The following LILRA1 variants were observed in gnomAD, a reference collection of about 807,000 sequenced individuals.
LILRA1 encodes leukocyte immunoglobulin-like receptor subfamily A member 1.
LILRA1 carries 51 observed loss-of-function variants against 51.6 expected under a neutral mutation model. The ratio of observed to expected loss-of-function variants is 0.99; its 90% confidence interval spans 0.79 to 1.25. LILRA1 has a LOEUF of 1.25. Ranked by LOEUF, LILRA1 falls within the 50% of genes most tolerant of loss-of-function variation. LILRA1 has a pLI of 0.00. For missense variants in LILRA1, 660 were observed against 611.7 expected (o/e 1.08, Z -0.83); for synonymous variants, 305 against 248.4 (o/e 1.23, Z -2.14).
At chr19:54,598,310 T>TA (rs1455100005) in intron 7 of LILRA1, among the ~76,000 whole-genome samples, 9 of 152,208 alleles carry the variant, frequency 5.9e-5, no homozygotes, top group African/African-American at 1.9e-4. Flanking sequence ...TTGATTTAAT[T>TA]TATATATTCA....
chr19:54,595,585 T>C (rs2063024044), intron 5 of LILRA1, 54 bp from the exon 6 acceptor site: 1 of 1,565,398 alleles, frequency 6.4e-7, no homozygotes, highest in Non-Finnish European at 8.7e-7. Context: ...AGAGGGAGGA[T>C]ATGTGGGGAA....
intron 7 of LILRA1, among the ~76,000 whole-genome samples, chr19:54,598,518 T>C (rs2063105909): frequency 6.6e-6 from 1 of 152,170 alleles, no homozygotes; most frequent in South Asian, 2.1e-4. Context: ...GCCCTGGGCC[T>C]GGGGGGTTCA....
intron 7 of LILRA1, among the ~76,000 whole-genome samples, chr19:54,598,053 G>A (rs74450693): frequency 0.043 from 6,543 of 150,628 alleles, 466 homozygotes; most frequent in African/African-American, 0.15. Context: ...TGTGCTCAGG[G>A]CACCCGGAGA....
chr19:54,598,125 A>G (rs1600273062), intron 7 of LILRA1, among the ~76,000 whole-genome samples: 1 of 151,948 alleles, frequency 6.6e-6, no homozygotes. Flanking sequence ...AGCACGTCTC[A>G]TATGTCATTC....
At position 54,596,323 on chromosome 19, in the gene LILRA1, GC is replaced by G. The variant is rs766823529; in HGVS notation, c.1099del (p.Leu367SerfsTer18). The G allele has an allele frequency of 6.8e-6, 11 of 1,609,546 alleles. No individual in the cohort carries two copies. The highest frequency in any genetic ancestry group is 4.1e-5 in the African/African-American group (3 of 73,758). Reference sequence around the variant, plus strand: ...TCTGACCAAGGCGGGAGCAGCTGATGCCCCCCTCCGTCTCAGATCAATACAC... The same window carrying G: ...TCTGACCAAGGCGGGAGCAGCTGATGCCCCCTCCGTCTCAGATCAATACAC... ...FLLTKAGAAD[A>X]PLRLRSIHEY... On this transcript the variant is annotated frameshift_variant, in exon 7 of 10. Transcript: ENST00000251372. LOFTEE classifies it high-confidence loss of function.
chr19:54,595,067 C>T (rs1279171864), intron 4 of LILRA1, 33 bp from the exon 5 acceptor site: 1 of 1,604,320 alleles, frequency 6.2e-7, no homozygotes, highest in Non-Finnish European at 8.5e-7. Context: ...GAGGTGTGAG[C>T]CCCATTTAAC....
chr19:54,597,173 T>C (rs2063077024), intron 7 of LILRA1, among the ~76,000 whole-genome samples: 1 of 131,180 alleles, frequency 7.6e-6, no homozygotes, highest in African/African-American at 2.8e-5. Context: ...ACCCAGTCAC[T>C]CCCAGCTCTA....
At position 54,594,763 on chromosome 19, in the gene LILRA1, G is replaced by A; in HGVS notation, c.169G>A (p.Glu57Lys). 2.5e-6 allele frequency: 4 copies of A among 1,614,142 alleles called. No homozygotes were observed. Among genetic ancestry groups the A allele is most frequent in the Non-Finnish European group, 3.4e-6 (4 of 1,179,986 alleles). ...GTGTCAGGGGATCCTGGAGACCCAGGAGTACCGTCTGTATAGAGAAAAGAA... is the reference window on the plus strand; with the variant it reads ...GTGTCAGGGGATCCTGGAGACCCAGAAGTACCGTCTGTATAGAGAAAAGAA... ...LWCQGILETQ[E>K]YRLYREKKTA... is the part of the protein sequence containing the mutation. The change falls in exon 4 of 10, where the codon GAG (glutamate) becomes AAG (lysine). Residue 57 changes from glutamate (E) to lysine (K), a missense_variant. Physicochemically the swap from Glu to Lys is moderately conservative, Grantham distance 56. Coordinates refer to ENST00000251372, the MANE Select transcript of LILRA1 (RefSeq NM_006863.4).
chr19:54,595,209 G>T lies in LILRA1; in HGVS notation c.468G>T (p.Leu156=). ...AGGTGGCATTTGGCAGCTTCATTCT[G>T]TGTAAGGAAGGAGAAGATGAACACC... ...VSQVAFGSFI[L]CKEGEDEHPQ... Residue 156 remains leucine, a synonymous_variant, in exon 5 of 10, where the codon CTG becomes CTT. Transcript: ENST00000251372. The T allele has an allele frequency of 6.2e-7, 1 of 1,614,126 alleles. No individual in the cohort carries two copies. Among genetic ancestry groups the T allele is most frequent in the Non-Finnish European group, 8.5e-7 (1 of 1,180,004 alleles).
chr19:54,595,603 G>T (rs1337343302), intron 5 of LILRA1, 36 bp from the exon 6 acceptor site: 11 of 1,580,636 alleles, frequency 7.0e-6, no homozygotes, highest in Non-Finnish European at 9.5e-6. Flanking sequence ...GAAGCCTGAG[G>T]GTCGGCTCCT....
chr19:54,594,946 G>T lies in LILRA1; in HGVS notation c.352G>T (p.Val118Leu). ...GCCCAGTGACCCCCTGGAGCTGGTG[G>T]TGACAGGTGAGCTGACACTGAGGGC... ...SEPSDPLELV[V>L]TGAYIKPTLS... is the part of the protein sequence containing the mutation. Residue 118 changes from valine (V) to leucine (L), a missense_variant, in exon 4 of 10, where the codon GTG (valine) becomes TTG (leucine). Coordinates refer to ENST00000251372, the MANE Select transcript of LILRA1 (RefSeq NM_006863.4). 6.2e-7 allele frequency: 1 copy of T among 1,613,928 alleles called. No individual in the cohort carries two copies. Among genetic ancestry groups the T allele is most frequent in the South Asian group, 1.1e-5 (1 of 91,078 alleles).
chr19:54,600,512 G>A lies in LILRA1; in HGVS notation c.1313G>A (p.Gly438Glu). The change falls in exon 9 of 10, where the codon GGA becomes GAA. Residue 438 changes from glycine to glutamate, a missense_variant and splice_region_variant. Transcript: ENST00000251372. ...TCTTCCCCTCTGTTTTTATTCTCAG[G>A]AGCAGCTAACACCCTCAGCCCATCA... ...PPQNKSDSKAGAANTLSPSQN... is the reference protein window; with the variant it reads ...PPQNKSDSKAEAANTLSPSQN... The A allele has an allele frequency of 6.2e-7, 1 of 1,614,110 alleles. No homozygotes were observed. Among genetic ancestry groups the A allele is most frequent in the Non-Finnish European group, 8.5e-7 (1 of 1,180,026 alleles).
chr19:54,599,672 T>C, intron 8 of LILRA1: 2 of 767,806 alleles, frequency 2.6e-6, no homozygotes, highest in Non-Finnish European at 3.3e-6. Context: ...TAAATGTCAA[T>C]ATATATGTTA....
At position 54,600,796 on chromosome 19, in the gene LILRA1, G is replaced by A. The variant is rs1317970831; in HGVS notation, c.1449G>A (p.Gln483=). 1 of 1,614,110 alleles carries A rather than the reference G, an allele frequency of 6.2e-7. No individual in the cohort carries two copies. Among genetic ancestry groups the A allele is most frequent in the Admixed American group, 1.7e-5 (1 of 60,020 alleles). Residue 483 remains glutamine, a synonymous_variant, in exon 10 of 10, where the codon CAG becomes CAA. Transcript: ENST00000251372. ...TCGGGATTCTGCTATTTGAGGCTCA[G>A]CACAGCCAGAGAAGCCTCTGAGATG... is the stretch of plus-strand genomic sequence containing the variant. ...VVLGILLFEA[Q]HSQRSL
Position 54,600,992 on chromosome 19 carries a change from T to C in LILRA1, c.*175T>C, listed in dbSNP as rs2063153167. 5 of 704,348 alleles carry C rather than the reference T, an allele frequency of 7.1e-6. No individual in the cohort carries two copies. Among genetic ancestry groups the C allele is most frequent in the South Asian group, 6.9e-5 (4 of 57,808 alleles). The allele number at this position is 704,348 out of a possible 1,614,324, so 43.6% of individuals were successfully genotyped here. On this transcript the variant is annotated 3_prime_UTR_variant, in exon 10 of 10. Coordinates refer to ENST00000251372, the MANE Select transcript of LILRA1 (RefSeq NM_006863.4). ...GAATCAGTGTTGGATTGCAGAGACA[T>C]TTTCTGGAGTGATCCATGAAGGACC... is the stretch of plus-strand genomic sequence containing the variant.
chr19:54,595,573 G>C, intron 5 of LILRA1, 66 bp from the exon 6 acceptor site: 1 of 1,561,460 alleles, frequency 6.4e-7, no homozygotes, highest in East Asian at 2.2e-5. Flanking sequence ...AGGCCCCGGG[G>C]GAGAGGGAGG....
intron 7 of LILRA1, among the ~76,000 whole-genome samples, chr19:54,596,984 C>T (rs1440118700): frequency 4.0e-5 from 6 of 151,248 alleles, no homozygotes; most frequent in African/African-American, 7.3e-5. Flanking sequence ...CCCTTGTAGT[C>T]TCAGTAGGGT....
intron 1 of LILRA1, 22 bp from the exon 2 acceptor site, chr19:54,594,175 C>T (rs536189369): frequency 1.9e-6 from 3 of 1,607,950 alleles, no homozygotes; most frequent in South Asian, 2.2e-5. Context: ...CTATTTCTCT[C>T]TGTGTGTCTC....
chr19:54,596,005 T>G (rs2063042978), intron 6 of LILRA1, 70 bp downstream of exon 6: 1 of 1,563,694 alleles, frequency 6.4e-7, no homozygotes, highest in African/African-American at 1.5e-5. Context: ...GCCCAGGTGG[T>G]GATGGCCGGA....
Sources: allele counts gnomAD v4.1 joint callset (sites outside exome capture counted in the v4.1 genomes callset), GRCh38; gene constraint gnomAD v4.1.1; transcripts MANE v1.5; gene names NCBI Gene and HGNC (gene_info 2026-07-23, HGNC 2026-07-21).